SNAP91: variants seen among roughly 807,000 people sequenced by gnomAD.
SNAP91 encodes clathrin coat assembly protein AP180.
Under a neutral mutation model 100.3 loss-of-function variants are expected in SNAP91, and 27 were observed. That is an observed-to-expected ratio of 0.27 (90% CI 0.20 to 0.37). The LOEUF (loss-of-function observed/expected upper bound fraction) is 0.37. Among genes scored for constraint, SNAP91 ranks in the 10% least tolerant of loss-of-function variants. The probability of loss-of-function intolerance (pLI) is 1.00; values close to 1 mark genes in which losing one functional copy is unlikely to be tolerated. For synonymous variants in SNAP91, 404 were observed against 398.6 expected (o/e 1.01, Z -0.16); for missense variants, 986 against 1,123.7 (o/e 0.88, Z 1.75).
intron 29 of SNAP91, 40 bp from the exon 30 acceptor site, chr6:83,554,325 AT>A: frequency 3.5e-6 from 1 of 288,278 alleles, no homozygotes; most frequent in South Asian, 3.0e-5. Context: ...AAACAAGATT[AT>A]TACATAGTCC....
chr6:83,580,801 C>T (rs1263673471), intron 23 of SNAP91, among the ~76,000 whole-genome samples: 1 of 152,032 alleles, frequency 6.6e-6, no homozygotes, highest in African/African-American at 2.4e-5. Flanking sequence ...TATGAAAATA[C>T]TAATGAACAT....
intron 22 of SNAP91, among the ~76,000 whole-genome samples, chr6:83,585,346 A>C (rs6454335): frequency 2.0e-5 from 3 of 152,064 alleles, no homozygotes; most frequent in South Asian, 4.2e-4. Flanking sequence ...TCATTTTTAT[A>C]TATCTATCTA....
Position 83,580,440 on chromosome 6 carries a change from G to C in SNAP91, c.2299+10C>G. On this transcript the variant is annotated intron_variant, in intron 24 of 29. Coordinates refer to ENST00000369694, the MANE Select transcript of SNAP91 (RefSeq NM_001242792.2). The stretch of plus-strand genomic sequence containing the variant: ...AGTTAAAGAAAAAAAAAAAAAACTA[G>C]ATTACTCACTGCCTACTAAGCTGGC... The C allele has an allele frequency of 1.3e-6, 2 of 1,558,458 alleles. No individual in the cohort carries two copies. The highest frequency in any genetic ancestry group is 1.7e-6 in the Non-Finnish European group (2 of 1,153,962).
chr6:83,583,021 T>G (rs1830606293), intron 22 of SNAP91, among the ~76,000 whole-genome samples: 1 of 152,184 alleles, frequency 6.6e-6, no homozygotes, highest in Admixed American at 6.5e-5. Flanking sequence ...TTCCCATCAT[T>G]TTTCAGTTCA....
intron 16 of SNAP91, among the ~76,000 whole-genome samples, chr6:83,595,914 A>C (rs2094426478): frequency 6.6e-6 from 1 of 152,226 alleles, no homozygotes; most frequent in South Asian, 2.1e-4. Flanking sequence ...CAAACATTAA[A>C]CTAGATACTT....
intron 12 of SNAP91, among the ~76,000 whole-genome samples, chr6:83,609,266 A>G (rs926576124): frequency 2.0e-5 from 3 of 152,218 alleles, no homozygotes; most frequent in African/African-American, 4.8e-5. Flanking sequence ...AAGAAAAAAA[A>G]AAATTCAATT....
chr6:83,660,158 TGCAGAA>T (rs900004857), intron 5 of SNAP91, among the ~76,000 whole-genome samples: 13 of 152,162 alleles, frequency 8.5e-5, no homozygotes. Context: ...CATACAGGGG[TGCAGAA>T]GTTTCTAGGA....
intron 8 of SNAP91, among the ~76,000 whole-genome samples, chr6:83,636,745 A>G (rs1018827264): frequency 2.0e-5 from 3 of 152,144 alleles, no homozygotes; most frequent in Non-Finnish European, 4.4e-5. Context: ...GACTTTTTGC[A>G]TTGCCTAAGT....
At chr6:83,647,191 CT>C (rs2097962541) in intron 7 of SNAP91, among the ~76,000 whole-genome samples, 1 of 151,538 alleles carries the variant, frequency 6.6e-6, no homozygotes. Flanking sequence ...ATCTCCGTTT[CT>C]TGTCTTACTG....
intron 13 of SNAP91, among the ~76,000 whole-genome samples, chr6:83,606,637 C>A (rs2095633283): frequency 6.6e-6 from 1 of 152,188 alleles, no homozygotes; most frequent in African/African-American, 2.4e-5. Flanking sequence ...AGGTGCCAAG[C>A]CATCAGGGTC....
chr6:83,623,467 T>C (rs2096811283), intron 8 of SNAP91, 125 bp from the exon 9 acceptor site: 1 of 684,444 alleles, frequency 1.5e-6, no homozygotes. Flanking sequence ...ATTTTATGTA[T>C]CACTCTCACT....
At chr6:83,632,760 A>C (rs1413151068) in intron 8 of SNAP91, among the ~76,000 whole-genome samples, 1 of 152,092 alleles carries the variant, frequency 6.6e-6, no homozygotes, top group East Asian at 1.9e-4. Context: ...TATGCTATCT[A>C]GTTCCTTGAA....
At chr6:83,634,013 A>G (rs1218988201) in intron 8 of SNAP91, among the ~76,000 whole-genome samples, 1 of 152,128 alleles carries the variant, frequency 6.6e-6, no homozygotes, top group East Asian at 1.9e-4. Flanking sequence ...ATGACGAGTT[A>G]ATGGGTGCAG....
rs2098557818 is a variant in SNAP91, at chr6:83,662,389, G to A, written c.307C>T (p.Leu103=). The change falls in exon 4 of 30, where the codon CTA becomes TTA. Residue 103 remains leucine, a synonymous_variant. Transcript: ENST00000369694. ...TCCAAAAAATTGCTGAGATTGAATA[G>A]TGTATTTCTAGAAGCCAAATATTGA... ...FIQYLASRNT[L]FNLSNFLDKS... is the part of the protein sequence containing the mutation. The A allele has an allele frequency of 1.4e-6, 2 of 1,424,532 alleles. No homozygotes were observed. The highest frequency in any genetic ancestry group is 5.1e-5 in the East Asian group (2 of 39,416). The allele number at this position is 1,424,532 out of a possible 1,614,324, so 88.2% of individuals were successfully genotyped here. A position where few individuals can be genotyped will look rare whatever the true frequency, so the allele number is the denominator to read the frequency against.
chr6:83,561,637 T>A (rs1787892337), intron 26 of SNAP91, among the ~76,000 whole-genome samples: 1 of 152,184 alleles, frequency 6.6e-6, no homozygotes, highest in African/African-American at 2.4e-5. Context: ...TTTCCTATCA[T>A]TATATCCTCT....
chr6:83,581,104 AT>A (rs1827751628), intron 23 of SNAP91, among the ~76,000 whole-genome samples: 1 of 152,238 alleles, frequency 6.6e-6, no homozygotes, highest in African/African-American at 2.4e-5. Context: ...TTATGGTGAA[AT>A]CTAAATAATT....
rs200135770 is a variant in SNAP91, at chr6:83,582,206, A to C, written c.2149+16T>G. Reference sequence around the variant, plus strand: ...CCAGGACACATGAAAAGAATGTTTGAAAGTCACTGCCTCACCTGATGGATC... The same window carrying C: ...CCAGGACACATGAAAAGAATGTTTGCAAGTCACTGCCTCACCTGATGGATC... On this transcript the variant is annotated intron_variant, in intron 23 of 29. Coordinates refer to ENST00000369694, the MANE Select transcript of SNAP91 (RefSeq NM_001242792.2). 1.3e-3 allele frequency: 2,106 copies of C among 1,612,312 alleles called. 34 individuals are homozygous for C. In the South Asian group the frequency reaches 0.016, roughly 12 times the overall value.
chr6:83,589,592 G>A (rs997615622), intron 22 of SNAP91, among the ~76,000 whole-genome samples: 2 of 152,182 alleles, frequency 1.3e-5, no homozygotes, highest in African/African-American at 2.4e-5. Context: ...CCTAGTGGTA[G>A]TCACTGGTAT....
chr6:83,612,958 T>G (rs1325233267), intron 11 of SNAP91, among the ~76,000 whole-genome samples: 1 of 150,538 alleles, frequency 6.6e-6, no homozygotes, highest in Non-Finnish European at 1.5e-5. Flanking sequence ...ACCTAAAATA[T>G]TATAACTTCT....
Sources: allele counts gnomAD v4.1 joint callset (sites outside exome capture counted in the v4.1 genomes callset), GRCh38; gene constraint gnomAD v4.1.1; transcripts MANE v1.5; gene names NCBI Gene and HGNC (gene_info 2026-07-23, HGNC 2026-07-21).